BRD4: variants seen among roughly 807,000 people sequenced by gnomAD.
BRD4 encodes bromodomain-containing protein 4.
BRD4 carries 16 observed loss-of-function variants against 142.1 expected under a neutral mutation model. That is an observed-to-expected ratio of 0.11 (90% CI 0.08 to 0.17). BRD4 has a LOEUF of 0.17. BRD4 is among the 10% of genes least tolerant of loss of function. The pLI is 1.00. For synonymous variants in BRD4, 833 were observed against 707.5 expected, an observed-to-expected ratio of 1.18 and a Z score of -2.82; for missense variants, 1,424 against 1,810.9, an observed-to-expected ratio of 0.79 and a Z score of 3.88.
At position 15,238,656 on chromosome 19, in the gene BRD4, C is replaced by T; in HGVS notation, c.4020+87G>A. 1 of 1,457,462 alleles carries T rather than the reference C, an allele frequency of 6.9e-7. No homozygotes were observed. Among genetic ancestry groups the T allele is most frequent in the Non-Finnish European group, 9.1e-7 (1 of 1,103,692 alleles). The allele number at this position is 1,457,462 out of a possible 1,614,324, so 90.3% of individuals were successfully genotyped here. On this transcript the variant is annotated intron_variant, in intron 19 of 19. Coordinates refer to ENST00000679869, the MANE Select transcript of BRD4 (RefSeq NM_001379291.1). This position sits in a 1 kb window ranked among gnomAD's most constrained non-coding sequence, Gnocchi z 7.2. ...CAGGGACGGGGCTCCCCCGCTGCCC[C>T]TCCCTGTCCAGGCTCCAGTCCCCCT... is the stretch of plus-strand genomic sequence containing the variant.
At chr19:15,276,507 C>A (rs1216180722) in intron 1 of BRD4, among the ~76,000 whole-genome samples, 1 of 152,144 alleles carries the variant, frequency 6.6e-6, no homozygotes, top group East Asian at 1.9e-4. Flanking sequence ...GACTCTCTCT[C>A]TCTCTCTCTC....
intron 1 of BRD4, among the ~76,000 whole-genome samples, chr19:15,314,210 C>G (rs1036169831): frequency 1.3e-5 from 2 of 152,142 alleles, no homozygotes; most frequent in Non-Finnish European, 2.9e-5. Flanking sequence ...AAACCCTGCT[C>G]ACAAAATGGA....
chr19:15,238,458 G>C lies in BRD4; in HGVS notation c.4021-13C>G. On this transcript the variant is annotated splice_polypyrimidine_tract_variant and intron_variant, in intron 19 of 19. Coordinates refer to ENST00000679869, the MANE Select transcript of BRD4 (RefSeq NM_001379291.1). The surrounding 1 kb of genome is among the most constrained non-coding windows in gnomAD (Gnocchi z 7.2). Reference sequence around the variant, plus strand: ...TGGTAGCTGCCATCTGGAGGAGAAAGGAAGGAGGGAGTCAGGAGGATGACC... The same window carrying C: ...TGGTAGCTGCCATCTGGAGGAGAAACGAAGGAGGGAGTCAGGAGGATGACC... 2 of 1,614,062 alleles carry C rather than the reference G, an allele frequency of 1.2e-6. No homozygotes were observed. Among genetic ancestry groups the C allele is most frequent in the Non-Finnish European group, 1.7e-6 (2 of 1,179,986 alleles).
Position 15,239,378 on chromosome 19 carries a change from A to G in BRD4, c.3576+14T>C. ...GCCAAGGGGCAAGCGACACCCATGG[A>G]CCTCCATCCCAACCTTTTTGGGCGC... On this transcript the variant is annotated intron_variant, in intron 17 of 19. Transcript: ENST00000679869. The surrounding 1 kb of genome is among the most constrained non-coding windows in gnomAD (Gnocchi z 7.4). 2 of 1,613,870 alleles carry G rather than the reference A, an allele frequency of 1.2e-6. No homozygotes were observed. Among genetic ancestry groups the G allele is most frequent in the Non-Finnish European group, 1.7e-6 (2 of 1,179,950 alleles).
intron 1 of BRD4, among the ~76,000 whole-genome samples, chr19:15,307,757 G>T (rs866941749): frequency 6.6e-6 from 1 of 152,124 alleles, no homozygotes; most frequent in Admixed American, 6.5e-5. Flanking sequence ...GCCGCACTAC[G>T]TTTGGCATCA....
Position 15,267,929 on chromosome 19 carries a change from T to C in BRD4, c.424-378A>G, listed in dbSNP as rs540335706. The stretch of plus-strand genomic sequence containing the variant: ...ACACAGGATTTCTTGCCATGATACA[T>C]TAGCAGGGCCCCAGCAATGCTCCCC... On this transcript the variant is annotated intron_variant, in intron 3 of 19. Coordinates refer to ENST00000679869, the MANE Select transcript of BRD4 (RefSeq NM_001379291.1). 7.2e-5 allele frequency among the ~76,000 whole-genome samples: 11 copies of C among 152,322 alleles called. No individual in the cohort carries two copies. In the South Asian group the frequency reaches 1.4e-3, roughly 20 times the overall value.
chr19:15,278,569 T>G (rs969117073), intron 1 of BRD4, among the ~76,000 whole-genome samples: 66 of 127,864 alleles, frequency 5.2e-4, no homozygotes, highest in Admixed American at 2.9e-3. Context: ...AAAAAAGAAA[T>G]AACTATGGTT....
chr19:15,273,855 A>C (rs2047617376), intron 1 of BRD4, among the ~76,000 whole-genome samples: 2 of 151,420 alleles, frequency 1.3e-5, no homozygotes, highest in Non-Finnish European at 2.9e-5. Context: ...AATAAACCTA[A>C]GAACTCAGTG....
intron 1 of BRD4, among the ~76,000 whole-genome samples, chr19:15,296,981 C>G (rs1014213608): frequency 2.0e-5 from 3 of 152,188 alleles, no homozygotes; most frequent in African/African-American, 7.2e-5. Flanking sequence ...GCCAGAAGAT[C>G]TTTGTTCAGA....
intron 11 of BRD4, chr19:15,253,791 T>A (rs370414806): frequency 3.1e-6 from 5 of 1,594,624 alleles, no homozygotes; most frequent in Non-Finnish European, 4.2e-6. Flanking sequence ...AAGCTGGGTG[T>A]GGTCACATCA....
At chr19:15,307,141 A>C (rs2047920967) in intron 1 of BRD4, among the ~76,000 whole-genome samples, 1 of 152,220 alleles carries the variant, frequency 6.6e-6, no homozygotes, top group South Asian at 2.1e-4. Flanking sequence ...TGAACTGGTC[A>C]GGCCAAGTCT....
intron 11 of BRD4, 152 bp from the exon 12 acceptor site, chr19:15,244,914 C>A (rs2047272389): frequency 7.3e-7 from 1 of 1,362,584 alleles, no homozygotes; most frequent in Non-Finnish European, 9.9e-7. Flanking sequence ...ATGAGTTGGT[C>A]ATCACGGGAG....
intron 11 of BRD4, among the ~76,000 whole-genome samples, chr19:15,251,545 G>A (rs2047346858): frequency 6.7e-6 from 1 of 149,634 alleles, no homozygotes; most frequent in African/African-American, 2.5e-5. Context: ...TTAAGGCAGA[G>A]CTGCCTGTAA....
chr19:15,270,578 C>T (rs2047576160), intron 2 of BRD4, among the ~76,000 whole-genome samples: 1 of 152,148 alleles, frequency 6.6e-6, no homozygotes, highest in South Asian at 2.1e-4. Context: ...CAATGGCCAA[C>T]AGAATAGTGA....
intron 7 of BRD4, among the ~76,000 whole-genome samples, chr19:15,259,214 G>A (rs1429067484): frequency 6.6e-6 from 1 of 152,232 alleles, no homozygotes; most frequent in Non-Finnish European, 1.5e-5. Context: ...CAGGAAGCAG[G>A]TTAGAGAAGT....
At position 15,272,908 on chromosome 19, in the gene BRD4, T is replaced by C. The variant is rs1374444928; in HGVS notation, c.192A>G (p.Gln64=). The C allele has an allele frequency of 3.1e-6, 5 of 1,614,206 alleles. No homozygotes were observed. Among genetic ancestry groups the C allele is most frequent in the Admixed American group, 1.7e-5 (1 of 60,016 alleles). ...NKPKRQTNQL[Q]YLLRVVLKTL... The stretch of plus-strand genomic sequence containing the variant: ...TCTTGAGCACCACTCTGAGCAGGTA[T>C]TGCAGTTGGTTGGTCTGCCTCTTGG... Residue 64 remains glutamine, a synonymous_variant, in exon 2 of 20, where the codon CAA becomes CAG. Coordinates refer to ENST00000679869, the MANE Select transcript of BRD4 (RefSeq NM_001379291.1).
chr19:15,316,490 C>A (rs2048019485), intron 1 of BRD4, among the ~76,000 whole-genome samples: 2 of 152,024 alleles, frequency 1.3e-5, no homozygotes, highest in Non-Finnish European at 2.9e-5. Context: ...ACTCAGGAGG[C>A]TGAGGCAGGA....
chr19:15,312,804 G>T (rs935588815), intron 1 of BRD4, among the ~76,000 whole-genome samples: 1 of 151,974 alleles, frequency 6.6e-6, no homozygotes, highest in Non-Finnish European at 1.5e-5. Context: ...GCGTGGGGGC[G>T]CGTGCCTGTA....
At position 15,239,979 on chromosome 19, in the gene BRD4, G is replaced by T. The variant is rs1007248843; in HGVS notation, c.3213C>A (p.Pro1071=). Residue 1071 remains proline (P), a synonymous_variant, in exon 15 of 20, where the codon CCC becomes CCA. Coordinates refer to ENST00000679869, the MANE Select transcript of BRD4 (RefSeq NM_001379291.1). The surrounding 1 kb of genome is among the most constrained non-coding windows in gnomAD (Gnocchi z 7.4). ...TCAGGCTCTGGAACTGTGACATCTG[G>T]GGGGAATGTATCATAAGCGGGGAGG... ...EAPSPLMIHS[P]QMSQFQSLTH... 1.2e-6 allele frequency: 2 copies of T among 1,613,886 alleles called. No homozygotes were observed. The highest frequency in any genetic ancestry group is 1.7e-6 in the Non-Finnish European group (2 of 1,180,006).
Sources: gnomAD v4.1 joint callset for allele counts (sites outside exome capture counted in the v4.1 genomes callset) on GRCh38, gnomAD v4.1.1 for gene constraint, Gnocchi (gnomAD v3.1) non-coding constraint, MANE v1.5 for transcripts, NCBI Gene and HGNC (gene_info 2026-07-23, HGNC 2026-07-21) for gene names.